The following PFDN1 variants were observed in gnomAD, a reference collection of about 807,000 sequenced individuals.
PFDN1 encodes the protein prefoldin 1.
In PFDN1, 6 loss-of-function variants were observed where a neutral mutation model predicts 17.3. The ratio of observed to expected loss-of-function variants is 0.35; its 90% CI spans 0.19 to 0.69. PFDN1 has a LOEUF of 0.69. Among genes scored for constraint, PFDN1 ranks in the 30% least tolerant of loss-of-function variants. The probability of loss-of-function intolerance (pLI) is 0.65; values close to 1 mark genes in which losing one functional copy is unlikely to be tolerated. For synonymous variants in PFDN1, 58 were observed against 50.1 expected (o/e 1.16, Z -0.67); for missense variants, 113 against 146.2 (o/e 0.77, Z 1.17).
chr5:140,264,594 T>G (rs769074987), intron 3 of PFDN1, among the ~76,000 whole-genome samples: 21 of 152,178 alleles, frequency 1.4e-4, no homozygotes, highest in Non-Finnish European at 2.5e-4. Flanking sequence ...ATCCCAACAC[T>G]TTGGGAGGCT....
intron 1 of PFDN1, 92 bp from the exon 2 acceptor site, chr5:140,300,674 C>G: frequency 1.2e-6 from 1 of 806,688 alleles, no homozygotes; most frequent in Non-Finnish European, 2.0e-6. Flanking sequence ...AATATGCTAG[C>G]CAGAGACAAA....
intron 2 of PFDN1, among the ~76,000 whole-genome samples, chr5:140,293,449 A>C (rs774098359): frequency 8.5e-5 from 13 of 152,192 alleles, no homozygotes; most frequent in Non-Finnish European, 1.6e-4. Context: ...ACCCCATAGC[A>C]AGTTTATTTT....
At chr5:140,265,467 C>T (rs539952234) in intron 3 of PFDN1, among the ~76,000 whole-genome samples, 2 of 152,244 alleles carry the variant, frequency 1.3e-5, no homozygotes, top group African/African-American at 4.8e-5. Context: ...AATTTGTAGA[C>T]AATTCTCCAT....
intron 3 of PFDN1, among the ~76,000 whole-genome samples, chr5:140,273,088 T>C (rs1765232768): frequency 6.6e-6 from 1 of 151,810 alleles, no homozygotes; most frequent in South Asian, 2.1e-4. Flanking sequence ...CTACTAATGA[T>C]ACAAAAATTA....
At chr5:140,298,352 G>A (rs1023680855) in intron 2 of PFDN1, among the ~76,000 whole-genome samples, 1 of 151,616 alleles carries the variant, frequency 6.6e-6, no homozygotes, top group Non-Finnish European at 1.5e-5. Flanking sequence ...AAGTCATCCC[G>A]AGACTGAGGT....
intron 3 of PFDN1, among the ~76,000 whole-genome samples, chr5:140,273,143 G>A (rs1345859290): frequency 6.6e-6 from 1 of 151,724 alleles, no homozygotes; most frequent in African/African-American, 2.4e-5. Context: ...TACTCAGGAG[G>A]TTGAGGCAGA....
rs1700983007 is a variant in PFDN1, at chr5:140,254,984, G to C, written c.286-8927C>G. Among the ~76,000 whole-genome samples, 1 of 152,182 alleles carries C rather than the reference G, an allele frequency of 6.6e-6. No individual in the cohort carries two copies. Among genetic ancestry groups the C allele is most frequent in the African/African-American group, 2.4e-5 (1 of 41,434 alleles). On this transcript the variant is annotated intron_variant, in intron 3 of 3. Transcript: ENST00000261813. The surrounding 1 kb of genome is among the most constrained non-coding windows in gnomAD (Gnocchi z 4.4). ...CATCTACCCACTCCATGCCTCACCT[G>C]AGTGGCTGAATGTTGCTGGAGGAAA... is the stretch of plus-strand genomic sequence containing the variant.
intron 1 of PFDN1, 78 bp downstream of exon 1, chr5:140,302,963 G>T: frequency 9.9e-7 from 1 of 1,013,772 alleles, no homozygotes. Context: ...CAAGGCTCGT[G>T]CCTCACTTGA....
intron 3 of PFDN1, among the ~76,000 whole-genome samples, chr5:140,247,905 G>C (rs1470412413): frequency 6.6e-6 from 1 of 151,970 alleles, no homozygotes; most frequent in African/African-American, 2.4e-5. Flanking sequence ...ACTCCAGCCT[G>C]GGCAACAAGA....
chr5:140,263,972 G>C (rs898794166), intron 3 of PFDN1, among the ~76,000 whole-genome samples: 2 of 136,416 alleles, frequency 1.5e-5, no homozygotes, highest in Non-Finnish European at 3.1e-5. Context: ...AGTGAGCCGA[G>C]ATTGCGCCAC....
chr5:140,281,417 A>C (rs753929791), intron 3 of PFDN1, 32 bp downstream of exon 3: 1 of 944,270 alleles, frequency 1.1e-6, no homozygotes, highest in South Asian at 1.3e-5. Context: ...CTTTCTCCCA[A>C]AAGTTAACTC....
intron 3 of PFDN1, 58 bp downstream of exon 3, chr5:140,281,391 C>T: frequency 4.0e-6 from 3 of 750,024 alleles, no homozygotes; most frequent in Non-Finnish European, 7.2e-6. Flanking sequence ...TTTAATATGA[C>T]ACAATAAGAT....
At chr5:140,280,014 C>CAAAAAAAAAAAAAAAAAAA (rs5871731) in intron 3 of PFDN1, among the ~76,000 whole-genome samples, 37 of 99,122 alleles carry the variant, frequency 3.7e-4, no homozygotes, top group African/African-American at 7.5e-4. Context: ...AAAAAAAAAA[C>CAAAAAAAAAAAAAAAAAAA]AAAAAAAGAA....
intron 2 of PFDN1, among the ~76,000 whole-genome samples, chr5:140,289,330 AG>A (rs1411450329): frequency 1.3e-5 from 2 of 152,124 alleles, no homozygotes; most frequent in African/African-American, 4.8e-5. Context: ...GAATTATTTG[AG>A]CAACAAAATA....
rs183802714 is a variant in PFDN1, at chr5:140,279,910, G to A, written c.285+1539C>T. On this transcript the variant is annotated intron_variant, in intron 3 of 3. Transcript: ENST00000261813. The stretch of plus-strand genomic sequence containing the variant: ...CTTGGGAAGCTGAGACAGGAGAATC[G>A]CTTGAAGCCAGGAGGCGGAGGTAGC... 8.2e-4 allele frequency among the ~76,000 whole-genome samples: 121 copies of A among 146,866 alleles called. No homozygotes were observed. In the Middle Eastern group the frequency reaches 0.022, roughly 26 times the overall value.
chr5:140,283,055 T>C (rs969634554), intron 2 of PFDN1, among the ~76,000 whole-genome samples: 2 of 152,192 alleles, frequency 1.3e-5, no homozygotes, highest in Non-Finnish European at 1.5e-5. Context: ...TCCGTTATTA[T>C]AGATATAAGA....
At chr5:140,272,927 T>A (rs1457955364) in intron 3 of PFDN1, among the ~76,000 whole-genome samples, 1 of 152,242 alleles carries the variant, frequency 6.6e-6, no homozygotes, top group African/African-American at 2.4e-5. Context: ...ATTATAAACT[T>A]AGAGCTATGC....
chr5:140,292,554 A>G (rs1765595264), intron 2 of PFDN1, among the ~76,000 whole-genome samples: 1 of 152,140 alleles, frequency 6.6e-6, no homozygotes, highest in Non-Finnish European at 1.5e-5. Context: ...AGAATACTTC[A>G]AGTCCTCTTC....
intron 3 of PFDN1, among the ~76,000 whole-genome samples, chr5:140,272,690 A>C (rs1765225596): frequency 6.6e-6 from 1 of 152,150 alleles, no homozygotes; most frequent in Non-Finnish European, 1.5e-5. Context: ...GGAAATAATT[A>C]TCACAAAAGT....
Sources: gnomAD v4.1 joint callset for allele counts (sites outside exome capture counted in the v4.1 genomes callset) on GRCh38, gnomAD v4.1.1 for gene constraint, Gnocchi (gnomAD v3.1) non-coding constraint, MANE v1.5 for transcripts, NCBI Gene and HGNC (gene_info 2026-07-23, HGNC 2026-07-21) for gene names.